MFSD8: variants seen among roughly 807,000 people sequenced by gnomAD.
MFSD8 encodes the protein major facilitator superfamily domain containing 8.
Under a neutral mutation model 66.4 loss-of-function variants are expected in MFSD8, and 55 were observed. The observed-to-expected ratio is 0.83, with a 90% CI of 0.67 to 1.04. The LOEUF is 1.04. Ranked by LOEUF, MFSD8 falls within the 50% of genes least tolerant of loss-of-function variation. The pLI, the probability that MFSD8 is intolerant of heterozygous loss-of-function variation, is 0.00. For synonymous variants in MFSD8, 202 were observed against 212.8 expected (o/e 0.95, Z 0.44); for missense variants, 550 against 627.6 (o/e 0.88, Z 1.32).
intron 7 of MFSD8, among the ~76,000 whole-genome samples, 179 bp downstream of exon 7, chr4:127,938,599 ATAAAT>A (rs1560744907): frequency 6.5e-5 from 8 of 123,832 alleles, no homozygotes; most frequent in African/African-American, 2.9e-4. Context: ...AAAAAAATAA[ATAAAT>A]AAATAAATAA....
rs530482225 is a variant in MFSD8, at chr4:127,940,172, T to A, written c.554-175A>T. On this transcript the variant is annotated intron_variant, in intron 5 of 11. Transcript: ENST00000641686. ...TGGGGGGTCAAAAAATTTCCTCTTT[T>A]TATGTATAAAGCAGGTATGTACAGA... Among the ~76,000 whole-genome samples the A allele has an allele frequency of 3.9e-5, 6 of 152,276 alleles. 1 individual carries two copies. In the South Asian group the frequency reaches 1.0e-3, roughly 26 times the overall value.
chr4:127,940,548 G>A (rs955128708), intron 5 of MFSD8, among the ~76,000 whole-genome samples: 2 of 146,884 alleles, frequency 1.4e-5, no homozygotes, highest in East Asian at 2.0e-4. Flanking sequence ...ATGTGTGTGT[G>A]TGTATATATT....
chr4:127,943,448 G>T, intron 4 of MFSD8: 1 of 293,662 alleles, frequency 3.4e-6, no homozygotes, highest in Non-Finnish European at 6.5e-6. Flanking sequence ...TCGAACTCCT[G>T]GGCTCAAGAG....
chr4:127,949,092 T>A (rs1300620359), intron 3 of MFSD8, among the ~76,000 whole-genome samples: 2 of 152,192 alleles, frequency 1.3e-5, no homozygotes, highest in African/African-American at 2.4e-5. Flanking sequence ...ACAAGAGCAG[T>A]TTCAGGACAG....
chr4:127,930,582 A>G (rs1737957243), intron 9 of MFSD8, 101 bp downstream of exon 9: 1 of 1,328,280 alleles, frequency 7.5e-7, no homozygotes, highest in African/African-American at 1.5e-5. Context: ...GTGCAAAAAA[A>G]AGCTTTAAAT....
Position 127,964,011 on chromosome 4 carries a change from C to T in MFSD8, c.62+1061G>A, listed in dbSNP as rs187529989. 5.7e-4 allele frequency among the ~76,000 whole-genome samples: 87 copies of T among 152,254 alleles called. 1 individual carries two copies. In the East Asian group the frequency reaches 0.016, roughly 28 times the overall value. The stretch of plus-strand genomic sequence containing the variant: ...ACCAGAGTAGCTAGATACAGAGTGT[C>T]GACTGGTGCATTCACAAACCCTGAG... On this transcript the variant is annotated intron_variant, in intron 1 of 11. Coordinates refer to ENST00000641686, the MANE Select transcript of MFSD8 (RefSeq NM_001371596.2).
At chr4:127,939,665 C>T in intron 6 of MFSD8, 188 bp downstream of exon 6, 9 of 246,584 alleles carry the variant, frequency 3.6e-5, no homozygotes, top group East Asian at 8.9e-5. Flanking sequence ...CTTTTCTGTT[C>T]TCATTTATCA....
chr4:127,947,796 T>C (rs1367676633), intron 3 of MFSD8, among the ~76,000 whole-genome samples: 1 of 151,692 alleles, frequency 6.6e-6, no homozygotes, highest in Non-Finnish European at 1.5e-5. Flanking sequence ...TCTAATAAAT[T>C]GTTGGCTATA....
At chr4:127,948,252 A>G (rs1194253108) in intron 3 of MFSD8, among the ~76,000 whole-genome samples, 1 of 152,078 alleles carries the variant, frequency 6.6e-6, no homozygotes, top group Non-Finnish European at 1.5e-5. Context: ...AACGCTCTCT[A>G]AAGTAATTAT....
intron 1 of MFSD8, among the ~76,000 whole-genome samples, chr4:127,961,750 G>C (rs972169578): frequency 1.3e-5 from 2 of 151,494 alleles, no homozygotes; most frequent in African/African-American, 4.9e-5. Flanking sequence ...GAACCCGGGA[G>C]GCGGAGCTTG....
chr4:127,940,955 T>A (rs6534649), intron 5 of MFSD8, among the ~76,000 whole-genome samples: 3 of 152,150 alleles, frequency 2.0e-5, no homozygotes, highest in African/African-American at 7.2e-5. Flanking sequence ...CATCGAAGCT[T>A]TTCAGGCTTA....
intron 9 of MFSD8, among the ~76,000 whole-genome samples, chr4:127,923,268 C>G (rs1269364861): frequency 3.3e-5 from 5 of 152,100 alleles, no homozygotes; most frequent in African/African-American, 1.2e-4. Context: ...GTGGGTTTGT[C>G]ATAAATAGCG....
intron 7 of MFSD8, among the ~76,000 whole-genome samples, chr4:127,936,006 T>C (rs1739011834): frequency 6.6e-6 from 1 of 152,208 alleles, no homozygotes; most frequent in Non-Finnish European, 1.5e-5. Flanking sequence ...GGAGACCCAG[T>C]TAAATTTAAA....
chr4:127,923,112 C>G (rs1316815278), intron 9 of MFSD8, among the ~76,000 whole-genome samples: 1 of 152,060 alleles, frequency 6.6e-6, no homozygotes, highest in African/African-American at 2.4e-5. Flanking sequence ...AATTGAATAC[C>G]CTTTATTTCT....
chr4:127,934,193 G>C (rs1284929432), intron 7 of MFSD8, among the ~76,000 whole-genome samples: 3 of 152,176 alleles, frequency 2.0e-5, no homozygotes, highest in Non-Finnish European at 4.4e-5. Flanking sequence ...AGTGAGCCAA[G>C]ATTGAGCCAC....
At chr4:127,951,895 A>AT (rs1220617880) in intron 2 of MFSD8, among the ~76,000 whole-genome samples, 9 of 151,206 alleles carry the variant, frequency 6.0e-5, no homozygotes, top group African/African-American at 1.7e-4. Flanking sequence ...CACCCAGCTA[A>AT]TTTTTTGTAT....
intron 1 of MFSD8, among the ~76,000 whole-genome samples, chr4:127,963,541 C>T (rs1579019007): frequency 6.6e-6 from 1 of 152,206 alleles, no homozygotes; most frequent in East Asian, 1.9e-4. Context: ...GGTTCGTGGT[C>T]TCGCTGGCTC....
At chr4:127,940,627 T>C (rs1740028006) in intron 5 of MFSD8, among the ~76,000 whole-genome samples, 1 of 151,448 alleles carries the variant, frequency 6.6e-6, no homozygotes, top group African/African-American at 2.4e-5. Context: ...TCCAAAAGCA[T>C]ACATAATCCA....
upstream of MFSD8, chr4:127,965,389 G>A (rs995198764): frequency 8.5e-6 from 5 of 589,866 alleles, no homozygotes; most frequent in African/African-American, 5.6e-5. Context: ...GAGCCCAGGA[G>A]AGCTCGGGGC....
Sources: gnomAD v4.1 joint callset for allele counts (sites outside exome capture counted in the v4.1 genomes callset) on GRCh38, gnomAD v4.1.1 for gene constraint, MANE v1.5 for transcripts, NCBI Gene and HGNC (gene_info 2026-07-23, HGNC 2026-07-21) for gene names.